CNNM1: variants seen among roughly 807,000 people sequenced by gnomAD.
The protein encoded by CNNM1 is cyclin and CBS domain divalent metal cation transport mediator 1, also known as metal transporter CNNM1.
In CNNM1, 44 loss-of-function variants were observed where a neutral mutation model predicts 78.8. The ratio of observed to expected loss-of-function variants is 0.56; its 90% CI spans 0.44 to 0.72. The LOEUF is 0.72. Among genes scored for constraint, CNNM1 ranks in the 30% least tolerant of loss-of-function variants. The pLI is 0.00. For synonymous variants in CNNM1, 584 were observed against 581.5 expected, an observed-to-expected ratio of 1.00 and a Z score of -0.06; for missense variants, 1,101 against 1,292.2, an observed-to-expected ratio of 0.85 and a Z score of 2.27.
chr10:99,341,486 TG>T (rs368519044), intron 1 of CNNM1, among the ~76,000 whole-genome samples: 3 of 152,018 alleles, frequency 2.0e-5, no homozygotes, highest in African/African-American at 7.2e-5. Flanking sequence ...AGAGGCAGCC[TG>T]GGGTACAGGC....
At chr10:99,384,528 C>A (rs2032251214) in intron 7 of CNNM1, among the ~76,000 whole-genome samples, 1 of 151,920 alleles carries the variant, frequency 6.6e-6, no homozygotes, top group Admixed American at 6.6e-5. Flanking sequence ...GTGCTTCTTC[C>A]CACTAGTGTG....
chr10:99,389,144 G>T (rs550801166), intron 9 of CNNM1, among the ~76,000 whole-genome samples: 1 of 152,110 alleles, frequency 6.6e-6, no homozygotes, highest in African/African-American at 2.4e-5. Context: ...GGCCGGGCAC[G>T]GTGGCTCATG....
chr10:99,371,421 T>C (rs2031798237), intron 6 of CNNM1, among the ~76,000 whole-genome samples: 1 of 152,194 alleles, frequency 6.6e-6, no homozygotes, highest in African/African-American at 2.4e-5. Context: ...TTTCTTCTCC[T>C]GGTGGTGGAG....
In CNNM1 at chr10:99,355,922, T is replaced by A. The variant is rs1359361494; in HGVS notation, c.1574-1590T>A. On this transcript the variant is annotated intron_variant, in intron 1 of 10. Coordinates refer to ENST00000356713, the MANE Select transcript of CNNM1 (RefSeq NM_020348.3). ...TATGAAATCTCTGCCTGTGACACAT[T>A]GTAGTTTATAGTCTTTTCACATATT... Among the ~76,000 whole-genome samples the A allele has an allele frequency of 3.3e-5, 5 of 152,352 alleles. No individual in the cohort carries two copies. The South Asian group carries it at 8.3e-4, about 25-fold the overall frequency.
chr10:99,378,111 G>A (rs537958198), intron 7 of CNNM1, among the ~76,000 whole-genome samples: 52 of 152,124 alleles, frequency 3.4e-4, no homozygotes, highest in African/African-American at 1.2e-3. Context: ...CTACAGGCAC[G>A]TGCCACCACG....
chr10:99,369,709 C>T (rs2031739042), intron 6 of CNNM1, among the ~76,000 whole-genome samples: 1 of 152,178 alleles, frequency 6.6e-6, no homozygotes, highest in Non-Finnish European at 1.5e-5. Context: ...TTCTCTCTCT[C>T]TCTCGATGGT....
In CNNM1 at chr10:99,329,554, C is replaced by T; in HGVS notation, c.167C>T (p.Ser56Phe). Residue 56 changes from serine (S) to phenylalanine (F), a missense_variant, in exon 1 of 11, where the codon TCC becomes TTC. By Grantham distance (155) the Ser-to-Phe change is radical. Transcript: ENST00000356713. ...GAGGACACTGCTGGAGGCCGCGTGT[C>T]CCTGGAGGGGGGCACCCTGCGCGCC... is the stretch of plus-strand genomic sequence containing the variant. ...RPEDTAGGRVSLEGGTLRAAE... is the reference protein window; with the variant it reads ...RPEDTAGGRVFLEGGTLRAAE... 6.5e-7 allele frequency: 1 copy of T among 1,531,436 alleles called. No individual in the cohort carries two copies. Among genetic ancestry groups the T allele is most frequent in the Non-Finnish European group, 8.7e-7 (1 of 1,151,180 alleles). 94.9% of individuals were successfully genotyped at this position (1,531,436 alleles called of 1,614,324 possible).
chr10:99,340,292 G>A (rs547691763), intron 1 of CNNM1, among the ~76,000 whole-genome samples: 1 of 152,292 alleles, frequency 6.6e-6, no homozygotes, highest in South Asian at 2.1e-4. Flanking sequence ...AAACCTGTGA[G>A]AGAATCTCAT....
chr10:99,357,753 AAACC>A, intron 2 of CNNM1, 98 bp downstream of exon 2: 9 of 1,269,322 alleles, frequency 7.1e-6, no homozygotes, highest in African/African-American at 1.5e-5. Flanking sequence ...GTGTCAGGGC[AAACC>A]CTGTGCCCTG....
In CNNM1 at chr10:99,329,668, C is replaced by T. The variant is rs763928112; in HGVS notation, c.281C>T (p.Ser94Leu). 1.9e-6 allele frequency: 3 copies of T among 1,557,360 alleles called. No homozygotes were observed. The highest frequency in any genetic ancestry group is 5.0e-5 in the East Asian group (2 of 40,160). The change falls in exon 1 of 11, where the codon TCG becomes TTG. Residue 94 changes from serine (S) to leucine (L), a missense_variant. Around this residue, in one of 3 missense-constraint regions of CNNM1, gnomAD observed 476 missense variants for 484.5 expected, o/e 0.98. Coordinates refer to ENST00000356713, the MANE Select transcript of CNNM1 (RefSeq NM_020348.3). ...CCGGTGCCCTCACCGACCCTCAACT[C>T]GGGGGAGAATGGCACCGGCGACTGG... ...AAPVPSPTLNSGENGTGDWAP... is the reference protein window; with the variant it reads ...AAPVPSPTLNLGENGTGDWAP...
intron 1 of CNNM1, among the ~76,000 whole-genome samples, chr10:99,354,563 T>C (rs1441197058): frequency 6.6e-6 from 1 of 152,148 alleles, no homozygotes; most frequent in Non-Finnish European, 1.5e-5. Context: ...TGCTGTCTAG[T>C]GTAGGACACA....
At chr10:99,374,655 C>A (rs924426488) in intron 6 of CNNM1, among the ~76,000 whole-genome samples, 1 of 152,156 alleles carries the variant, frequency 6.6e-6, no homozygotes, top group African/African-American at 2.4e-5. Context: ...AGCTCTGAAA[C>A]CTTTTTATAA....
chr10:99,385,587 A>T (rs1220182848), intron 7 of CNNM1, among the ~76,000 whole-genome samples: 2 of 152,226 alleles, frequency 1.3e-5, no homozygotes, highest in Non-Finnish European at 2.9e-5. Flanking sequence ...ATGGTGAGAC[A>T]TGCATGTGGG....
intron 1 of CNNM1, among the ~76,000 whole-genome samples, chr10:99,347,347 C>T (rs973436923): frequency 3.3e-5 from 5 of 151,776 alleles, no homozygotes; most frequent in African/African-American, 9.7e-5. Context: ...GGTGAAACCC[C>T]ATCTCTACTA....
intron 7 of CNNM1, among the ~76,000 whole-genome samples, chr10:99,384,958 A>G (rs1460249720): frequency 6.6e-6 from 1 of 151,732 alleles, no homozygotes; most frequent in East Asian, 1.9e-4. Flanking sequence ...AGTCCCATCT[A>G]CTCAGGAGCC....
intron 9 of CNNM1, among the ~76,000 whole-genome samples, chr10:99,388,984 T>C (rs950874624): frequency 4.6e-5 from 7 of 152,142 alleles, no homozygotes; most frequent in African/African-American, 1.7e-4. Flanking sequence ...CTCACTAAGA[T>C]GTATTCCCCA....
chr10:99,384,584 A>T (rs2032252712), intron 7 of CNNM1, among the ~76,000 whole-genome samples: 2 of 152,216 alleles, frequency 1.3e-5, no homozygotes, highest in Admixed American at 1.3e-4. Context: ...TGGTGGCTTA[A>T]CATCTGTGTG....
chr10:99,380,028 T>G (rs1360003094), intron 7 of CNNM1, among the ~76,000 whole-genome samples: 2 of 150,182 alleles, frequency 1.3e-5, no homozygotes, highest in East Asian at 1.9e-4. Context: ...TCTCTTTTTT[T>G]TTTTTTTTTT....
intron 5 of CNNM1, among the ~76,000 whole-genome samples, 187 bp from the exon 6 acceptor site, chr10:99,364,768 G>A (rs376875932): frequency 1.6e-4 from 24 of 152,184 alleles, no homozygotes; most frequent in African/African-American, 5.5e-4. Context: ...AGGGATCTAG[G>A]GTGGTAGATT....
Sources: allele counts gnomAD v4.1 joint callset (sites outside exome capture counted in the v4.1 genomes callset), GRCh38; gene constraint gnomAD v4.1.1; regional missense constraint gnomAD v4.1.1; transcripts MANE v1.5; gene names NCBI Gene and HGNC (gene_info 2026-07-23, HGNC 2026-07-21).